Variants in GOLGA4 observed in about 807,000 individuals in gnomAD.
The protein encoded by GOLGA4 is golgin subfamily A member 4.
A neutral mutation model predicts 265.9 loss-of-function variants in GOLGA4; 169 were observed. The ratio of observed to expected loss-of-function variants is 0.64; its 90% CI spans 0.56 to 0.72. The LOEUF (loss-of-function observed/expected upper bound fraction) is 0.72, where lower values mean the gene tolerates loss of function less well. Ranked by LOEUF, GOLGA4 falls within the 30% of genes least tolerant of loss-of-function variation. The pLI is 0.00. For synonymous variants in GOLGA4, 923 were observed against 855.8 expected, an observed-to-expected ratio of 1.08 and a Z score of -1.37; for missense variants, 2,482 against 2,483.4, an observed-to-expected ratio of 1.00 and a Z score of 0.01.
rs780899627 is a variant in GOLGA4, at chr3:37,264,656, G to A, written c.162+13172G>A. Among the ~76,000 whole-genome samples, 84 of 151,676 alleles carry A rather than the reference G, an allele frequency of 5.5e-4. 1 individual carries two copies. Among genetic ancestry groups the A allele is most frequent in the Non-Finnish European group, 7.2e-4 (49 of 67,932 alleles). ...TTTTTTTTCAGATGTTATTATATAT[G>A]GTATATGTAATTTATCACCATGTTA... On this transcript the variant is annotated intron_variant, in intron 2 of 23. Transcript: ENST00000361924.
chr3:37,258,197 A>G (rs116746841), intron 2 of GOLGA4, among the ~76,000 whole-genome samples: 3,762 of 145,394 alleles, frequency 0.026, 143 homozygotes, highest in African/African-American at 0.089. Flanking sequence ...CTGTATATGT[A>G]TGATATATAT....
At chr3:37,319,034 C>T in intron 11 of GOLGA4, 29 bp from the exon 12 acceptor site, 8 of 1,495,788 alleles carry the variant, frequency 5.3e-6, no homozygotes, top group East Asian at 2.3e-5. Context: ...TCTGGGTGTC[C>T]TTATATTATC....
chr3:37,284,977 G>A (rs1426290157), intron 3 of GOLGA4, among the ~76,000 whole-genome samples: 1 of 151,918 alleles, frequency 6.6e-6, no homozygotes, highest in African/African-American at 2.4e-5. Context: ...ATTGCTGCCT[G>A]TCTTTTGATT....
Position 37,347,306 on chromosome 3 carries a change from A to G in GOLGA4, c.6576+10A>G, listed in dbSNP as rs774544883. 2.8e-6 allele frequency: 4 copies of G among 1,431,780 alleles called. No individual in the cohort carries two copies. The highest frequency in any genetic ancestry group is 1.4e-5 in the African/African-American group (1 of 71,448). The allele number at this position is 1,431,780 out of a possible 1,614,324, so 88.7% of individuals were successfully genotyped here. On this transcript the variant is annotated intron_variant, in intron 21 of 23. Coordinates refer to ENST00000361924, the MANE Select transcript of GOLGA4 (RefSeq NM_002078.5). The stretch of plus-strand genomic sequence containing the variant: ...GGGTCGTGAGACTAAGGTATAAATC[A>G]TGTCTCGTGATTTGGTGTGTGGCTT...
intron 17 of GOLGA4, among the ~76,000 whole-genome samples, chr3:37,336,774 AAGAG>A (rs941227242): frequency 3.9e-4 from 58 of 150,292 alleles, no homozygotes; most frequent in African/African-American, 1.3e-3. Context: ...GAAAGAGAGA[AAGAG>A]AGAGAGAGAG....
chr3:37,328,825 A>G, intron 15 of GOLGA4, 138 bp from the exon 16 acceptor site: 2 of 761,194 alleles, frequency 2.6e-6, no homozygotes. Context: ...TAGATGTCTC[A>G]TTAAACATCT....
Position 37,337,742 on chromosome 3 carries a change from C to T in GOLGA4, c.6396+8C>T, listed in dbSNP as rs1474829201. 1.3e-6 allele frequency: 2 copies of T among 1,544,474 alleles called. No homozygotes were observed. The highest frequency in any genetic ancestry group is 2.7e-5 in the African/African-American group (2 of 73,540). ...CAAGAGTTCAGAGAACAGGTACAGG[C>T]CTAATTGGTACCTTTTATTTTGAAC... On this transcript the variant is annotated splice_region_variant and intron_variant, in intron 19 of 23. Transcript: ENST00000361924.
intron 3 of GOLGA4, among the ~76,000 whole-genome samples, chr3:37,283,837 A>G (rs1188197975): frequency 6.6e-6 from 1 of 152,100 alleles, no homozygotes; most frequent in African/African-American, 2.4e-5. Context: ...TGTGTATTTT[A>G]TATTTATAAT....
At position 37,303,230 on chromosome 3, in the gene GOLGA4, G is replaced by A. The variant is rs935007517; in HGVS notation, c.1234+898G>A. On this transcript the variant is annotated intron_variant, in intron 10 of 23. Transcript: ENST00000361924. ...ACAGAGTAACAGGAAACCAGTAATA[G>A]GAAGGCATAATGTGATGGGAGCTAG... 2.6e-5 allele frequency among the ~76,000 whole-genome samples: 4 copies of A among 152,340 alleles called. No individual in the cohort carries two copies. The South Asian group carries it at 6.2e-4, about 24-fold the overall frequency.
chr3:37,270,711 T>C (rs1559365623), intron 2 of GOLGA4, among the ~76,000 whole-genome samples: 1 of 152,214 alleles, frequency 6.6e-6, no homozygotes, highest in East Asian at 1.9e-4. Flanking sequence ...AAGTATATTT[T>C]GTATTTTATG....
intron 4 of GOLGA4, chr3:37,287,465 C>T (rs1293870994): frequency 6.6e-6 from 1 of 152,190 alleles, no homozygotes; most frequent in Non-Finnish European, 1.5e-5. Context: ...TAGGTATTGC[C>T]AACACTCTTA....
Position 37,243,283 on chromosome 3 carries a change from G to A in GOLGA4, c.-268G>A, listed in dbSNP as rs2096707644. The A allele has an allele frequency of 3.8e-6, 2 of 531,544 alleles. No homozygotes were observed. Among genetic ancestry groups the A allele is most frequent in the Admixed American group, 3.5e-5 (1 of 28,520 alleles). 32.9% of individuals were successfully genotyped at this position (531,544 alleles called of 1,614,324 possible). ...GCCCTTGGCGCACAGTTCACCTGCT[G>A]CCGTTGTCGTCGCCGCCGCGGCTCC... On this transcript the variant is annotated 5_prime_UTR_variant, in exon 1 of 24. Coordinates refer to ENST00000361924, the MANE Select transcript of GOLGA4 (RefSeq NM_002078.5).
At chr3:37,349,922 C>CTATATATATACATATATATA (rs2097068559) in intron 21 of GOLGA4, among the ~76,000 whole-genome samples, 1 of 152,114 alleles carries the variant, frequency 6.6e-6, no homozygotes, top group Non-Finnish European at 1.5e-5. Context: ...ATAGTACATA[C>CTATATATATACATATATATA]GTTCTTGTAG....
intron 23 of GOLGA4, among the ~76,000 whole-genome samples, chr3:37,362,445 TTA>T (rs1696374822): frequency 6.6e-6 from 1 of 151,484 alleles, no homozygotes. Flanking sequence ...TTTCACCGTT[TTA>T]GCCAGGATGG....
Position 37,271,116 on chromosome 3 carries a change from G to A in GOLGA4, c.163-10842G>A, listed in dbSNP as rs140131695. 5.0e-3 allele frequency among the ~76,000 whole-genome samples: 755 copies of A among 152,222 alleles called. 2 individuals carry two copies. Among genetic ancestry groups the A allele is most frequent in the African/African-American group, 0.017 (715 of 41,534 alleles). ...GTAGACAGAGCTCAGGTGGTAATGCGAGTGACGGGGAGCAGGTGTAAATGC... is the reference window on the plus strand; with the variant it reads ...GTAGACAGAGCTCAGGTGGTAATGCAAGTGACGGGGAGCAGGTGTAAATGC... On this transcript the variant is annotated intron_variant, in intron 2 of 23. Transcript: ENST00000361924.
intron 1 of GOLGA4, among the ~76,000 whole-genome samples, chr3:37,250,800 A>G (rs558425183): frequency 9.9e-5 from 15 of 152,226 alleles, no homozygotes; most frequent in African/African-American, 3.6e-4. Context: ...TGAGGGTTAT[A>G]GGAGTCAGGC....
At chr3:37,266,048 AT>A (rs149370638) in intron 2 of GOLGA4, among the ~76,000 whole-genome samples, 27 of 142,876 alleles carry the variant, frequency 1.9e-4, no homozygotes, top group African/African-American at 6.5e-4. Flanking sequence ...AAAAAAAAAA[AT>A]TTTAACGTTA....
chr3:37,287,658 A>G (rs768878082), intron 4 of GOLGA4: 1 of 152,248 alleles, frequency 6.6e-6, no homozygotes, highest in Non-Finnish European at 1.5e-5. Flanking sequence ...TAGACTGCAG[A>G]GCATGTGCTT....
rs113929504 is a variant in GOLGA4 at position 37,312,316 on chromosome 3, A to G, written c.1235-3104A>G. Among the ~76,000 whole-genome samples, 7 of 152,294 alleles carry G rather than the reference A, an allele frequency of 4.6e-5. 1 individual carries two copies. Among genetic ancestry groups the G allele is most frequent in the African/African-American group, 1.7e-4 (7 of 41,574 alleles). ...AATCTTTCCCATAATTAGTCACTTT[A>G]CTTGACTGATTTTTTTAAGTGAGGG... On this transcript the variant is annotated intron_variant, in intron 10 of 23. Coordinates refer to ENST00000361924, the MANE Select transcript of GOLGA4 (RefSeq NM_002078.5).
Sources: gnomAD v4.1 joint callset for allele counts (sites outside exome capture counted in the v4.1 genomes callset) on GRCh38, gnomAD v4.1.1 for gene constraint, MANE v1.5 for transcripts, NCBI Gene and HGNC (gene_info 2026-07-23, HGNC 2026-07-21) for gene names.